PPP2R2B: variants seen among roughly 807,000 people sequenced by gnomAD.
PPP2R2B encodes the protein serine/threonine-protein phosphatase 2A 55 kDa regulatory subunit B beta isoform.
PPP2R2B carries 5 observed loss-of-function variants against 46.0 expected under a neutral mutation model. The ratio of observed to expected loss-of-function variants is 0.11; its 90% confidence interval spans 0.06 to 0.23. PPP2R2B has a LOEUF of 0.23. PPP2R2B is among the 10% of genes least tolerant of loss of function. The pLI is 1.00. For missense variants in PPP2R2B, 367 were observed against 575.0 expected, an observed-to-expected ratio of 0.64 and a Z score of 3.70; for synonymous variants, 215 against 206.7, an observed-to-expected ratio of 1.04 and a Z score of -0.34.
chr5:146,719,256 A>G (rs1780656688), intron 2 of PPP2R2B, among the ~76,000 whole-genome samples: 1 of 152,218 alleles, frequency 6.6e-6, no homozygotes. Context: ...TATTATGTTG[A>G]GAATTATGTA....
intron 2 of PPP2R2B, among the ~76,000 whole-genome samples, chr5:146,795,417 A>G (rs1756467105): frequency 6.6e-6 from 1 of 152,180 alleles, no homozygotes; most frequent in South Asian, 2.1e-4. Flanking sequence ...ATTACGCCAA[A>G]TGAAATGAAC....
intron 2 of PPP2R2B, among the ~76,000 whole-genome samples, chr5:147,072,069 T>C (rs1757617270): frequency 6.6e-6 from 1 of 152,222 alleles, no homozygotes; most frequent in Non-Finnish European, 1.5e-5. Flanking sequence ...AAAAAATTTC[T>C]GGTGTAGGAT....
chr5:146,787,265 G>T (rs73322143), intron 2 of PPP2R2B, among the ~76,000 whole-genome samples: 6,936 of 152,242 alleles, frequency 0.046, 422 homozygotes, highest in African/African-American at 0.14. Context: ...GATCTACAGG[G>T]TGATCACTAT....
chr5:146,931,563 G>C (rs1763970670), intron 1 of PPP2R2B, among the ~76,000 whole-genome samples: 2 of 152,084 alleles, frequency 1.3e-5, no homozygotes, highest in African/African-American at 4.8e-5. Flanking sequence ...TTCCTTCTTG[G>C]CTTTTGAGGC....
chr5:146,604,365 T>C (rs879769704), intron 7 of PPP2R2B, among the ~76,000 whole-genome samples: 7 of 152,174 alleles, frequency 4.6e-5, no homozygotes, highest in Non-Finnish European at 1.0e-4. Flanking sequence ...AAATCAACAC[T>C]AGCCTTTCTC....
chr5:146,854,353 A>G (rs931378559), intron 2 of PPP2R2B, among the ~76,000 whole-genome samples: 2 of 152,184 alleles, frequency 1.3e-5, no homozygotes, highest in African/African-American at 4.8e-5. Context: ...CATGCATAGA[A>G]TGTATAATGA....
chr5:146,921,637 C>T (rs1763612083), intron 1 of PPP2R2B, among the ~76,000 whole-genome samples: 1 of 152,138 alleles, frequency 6.6e-6, no homozygotes, highest in African/African-American at 2.4e-5. Context: ...TATTGGTGAG[C>T]CTTCTCAGCT....
chr5:146,598,462 C>T (rs1303369120), intron 8 of PPP2R2B, among the ~76,000 whole-genome samples: 2 of 152,174 alleles, frequency 1.3e-5, no homozygotes, highest in Admixed American at 6.5e-5. Context: ...TAAATACCCT[C>T]TACATACTTG....
chr5:146,853,070 A>G (rs1760447018), intron 2 of PPP2R2B, among the ~76,000 whole-genome samples: 1 of 152,076 alleles, frequency 6.6e-6, no homozygotes, highest in African/African-American at 2.4e-5. Flanking sequence ...ATGTTTGAGA[A>G]CTTTCTAACA....
At chr5:147,051,084 G>A (rs1371416255) in intron 1 of PPP2R2B, among the ~76,000 whole-genome samples, 1 of 152,150 alleles carries the variant, frequency 6.6e-6, no homozygotes, top group Non-Finnish European at 1.5e-5. Context: ...TGCCCAAGTA[G>A]CTTCTGGCCA....
intron 1 of PPP2R2B, among the ~76,000 whole-genome samples, chr5:146,965,785 T>C (rs1173570758): frequency 2.6e-5 from 4 of 152,210 alleles, no homozygotes; most frequent in African/African-American, 4.8e-5. Context: ...TTAAAATCCA[T>C]AGCAGGAAAG....
At chr5:146,758,743 C>G (rs1267146315) in intron 2 of PPP2R2B, among the ~76,000 whole-genome samples, 1 of 152,128 alleles carries the variant, frequency 6.6e-6, no homozygotes, top group Non-Finnish European at 1.5e-5. Context: ...TGGAAGGACA[C>G]TGGTTTGCAG....
At chr5:146,957,101 G>A (rs1320699095) in intron 1 of PPP2R2B, among the ~76,000 whole-genome samples, 2 of 152,182 alleles carry the variant, frequency 1.3e-5, no homozygotes, top group African/African-American at 4.8e-5. Context: ...GAATCACCAA[G>A]TCTTTCTCCA....
intron 2 of PPP2R2B, among the ~76,000 whole-genome samples, chr5:146,770,095 G>A (rs1182233493): frequency 6.6e-6 from 1 of 151,940 alleles, no homozygotes; most frequent in African/African-American, 2.4e-5. Context: ...TTGGGAGGCC[G>A]AGGCAGGCAG....
At chr5:146,819,456 C>T (rs1758127395) in intron 2 of PPP2R2B, among the ~76,000 whole-genome samples, 1 of 152,144 alleles carries the variant, frequency 6.6e-6, no homozygotes, top group African/African-American at 2.4e-5. Context: ...AAATGGAATA[C>T]AACATGGCAC....
intron 1 of PPP2R2B, among the ~76,000 whole-genome samples, chr5:146,963,897 A>C (rs929378906): frequency 2.0e-5 from 3 of 152,236 alleles, no homozygotes; most frequent in African/African-American, 7.2e-5. Context: ...TCCTCTAAAA[A>C]GAACAATTGT....
chr5:146,933,078 A>G (rs1410075303), intron 1 of PPP2R2B, among the ~76,000 whole-genome samples: 3 of 152,164 alleles, frequency 2.0e-5, no homozygotes, highest in East Asian at 3.9e-4. Flanking sequence ...GTTGTATTCA[A>G]CCTTGGAATT....
chr5:146,700,239 G>C (rs535924753), intron 3 of PPP2R2B, among the ~76,000 whole-genome samples: 2 of 152,174 alleles, frequency 1.3e-5, no homozygotes, highest in South Asian at 4.2e-4. Flanking sequence ...GAATCTCAGA[G>C]GCAGGCAGTG....
At chr5:146,952,588 G>A (rs550393951) in intron 1 of PPP2R2B, among the ~76,000 whole-genome samples, 4 of 152,268 alleles carry the variant, frequency 2.6e-5, no homozygotes, top group African/African-American at 9.6e-5. Flanking sequence ...TTCTCAGCTA[G>A]ATTTTCAATG....
Sources: gnomAD v4.1 joint callset for allele counts (sites outside exome capture counted in the v4.1 genomes callset) on GRCh38, gnomAD v4.1.1 for gene constraint, MANE v1.5 for transcripts, NCBI Gene and HGNC (gene_info 2026-07-23, HGNC 2026-07-21) for gene names.